The following MYT1L variants were observed in gnomAD, a reference collection of about 807,000 sequenced individuals.
MYT1L encodes myelin transcription factor 1 like.
In MYT1L, 12 loss-of-function variants were observed where a neutral mutation model predicts 126.7. The observed-to-expected ratio is 0.09, with a 90% CI of 0.06 to 0.15. MYT1L has a LOEUF of 0.15. Ranked by LOEUF, MYT1L falls within the 10% of genes least tolerant of loss-of-function variation. The pLI, the probability that MYT1L is intolerant of heterozygous loss-of-function variation, is 1.00. For missense variants in MYT1L, 979 were observed against 1,585.2 expected, an observed-to-expected ratio of 0.62 and a Z score of 6.49; for synonymous variants, 541 against 604.2, an observed-to-expected ratio of 0.90 and a Z score of 1.53.
Position 1,839,301 on chromosome 2 carries a change from G to A in MYT1L, c.2928C>T (p.Ser976=), listed in dbSNP as rs777718481. 1.4e-5 allele frequency: 22 copies of A among 1,613,554 alleles called. No homozygotes were observed. The highest frequency in any genetic ancestry group is 4.0e-5 in the African/African-American group (3 of 74,940). Residue 976 remains serine (S), a synonymous_variant, in exon 21 of 25, where the codon TCC becomes TCT. Transcript: ENST00000647738. ...TGKYASHRSA[S]GCPLAAKRQK... ...GCCTCTTGGCCGCCAAGGGGCACCC[G>A]GAGGCGCTGCGATGGGACGCGTACT...
At chr2:2,190,991 G>A (rs2092561439) in intron 2 of MYT1L, among the ~76,000 whole-genome samples, 1 of 152,192 alleles carries the variant, frequency 6.6e-6, no homozygotes, top group Admixed American at 6.5e-5. Context: ...CTCCATGTTG[G>A]TCAGGCAGGT....
At chr2:2,056,128 A>G (rs939852612) in intron 3 of MYT1L, among the ~76,000 whole-genome samples, 1 of 152,234 alleles carries the variant, frequency 6.6e-6, no homozygotes, top group Non-Finnish European at 1.5e-5. Context: ...TCTGTTCTCC[A>G]GGCGCACATT....
At chr2:2,158,963 T>G (rs1380464957) in intron 3 of MYT1L, among the ~76,000 whole-genome samples, 1 of 152,234 alleles carries the variant, frequency 6.6e-6, no homozygotes, top group Non-Finnish European at 1.5e-5. Context: ...TTGTGTACCT[T>G]GTCTCAGGAT....
intron 3 of MYT1L, among the ~76,000 whole-genome samples, chr2:2,101,028 TC>T (rs137872926): frequency 0.043 from 6,548 of 152,304 alleles, 215 homozygotes; most frequent in Non-Finnish European, 0.066. Context: ...TGTTTCTAGA[TC>T]AGATAATGGC....
rs140807200 is a variant in MYT1L, at chr2:2,143,921, T to C, written c.-304+28951A>G. Among the ~76,000 whole-genome samples the C allele has an allele frequency of 3.5e-3, 497 of 141,624 alleles. 3 individuals carry two copies. Among genetic ancestry groups the C allele is most frequent in the African/African-American group, 0.012 (456 of 38,170 alleles). The allele number at this position is 141,624 out of a possible 152,430, so 92.9% of individuals were successfully genotyped here. On this transcript the variant is annotated intron_variant, in intron 3 of 24. Transcript: ENST00000647738. ...GTGGGAATGAAACACCGGATACTCGTCGGCATAAAGATGGGAGCAATAGAC... is the reference window on the plus strand; with the variant it reads ...GTGGGAATGAAACACCGGATACTCGCCGGCATAAAGATGGGAGCAATAGAC...
intron 2 of MYT1L, among the ~76,000 whole-genome samples, chr2:2,236,408 ACATCCCAACCCAGCC>A (rs2094306209): frequency 6.9e-6 from 1 of 144,158 alleles, no homozygotes; most frequent in East Asian, 2.1e-4. Context: ...CTAACCCAGT[ACATCCCAACCCAGCC>A]CAGTACAACC....
At chr2:1,845,717 G>A (rs78344678) in intron 19 of MYT1L, among the ~76,000 whole-genome samples, 2,283 of 152,248 alleles carry the variant, frequency 0.015, 70 homozygotes, top group African/African-American at 0.052. Flanking sequence ...GTGAATACCC[G>A]TTTTCCAGCA....
At chr2:2,037,010 C>A (rs2066931142) in intron 4 of MYT1L, among the ~76,000 whole-genome samples, 1 of 152,208 alleles carries the variant, frequency 6.6e-6, no homozygotes, top group African/African-American at 2.4e-5. Context: ...ATACACCTGG[C>A]TCAGCAGTGT....
intron 3 of MYT1L, among the ~76,000 whole-genome samples, chr2:2,157,666 C>A (rs1484770592): frequency 1.3e-5 from 2 of 152,162 alleles, no homozygotes; most frequent in African/African-American, 4.8e-5. Flanking sequence ...CCTGGGCCTT[C>A]CACTGGAGCA....
chr2:1,956,498 T>C (rs2058435098), intron 8 of MYT1L, among the ~76,000 whole-genome samples: 1 of 143,084 alleles, frequency 7.0e-6, no homozygotes. Context: ...TCCTATTCTA[T>C]ATTTCCTATT....
chr2:2,153,763 ACT>A, intron 3 of MYT1L, among the ~76,000 whole-genome samples: 1 of 151,666 alleles, frequency 6.6e-6, no homozygotes, highest in Middle Eastern at 3.2e-3. Context: ...GGAAAGGAAG[ACT>A]CTCTGAGTGG....
Position 2,095,779 on chromosome 2 carries a change from G to A in MYT1L, c.-303-41656C>T, listed in dbSNP as rs1194456422. On this transcript the variant is annotated intron_variant, in intron 3 of 24. Transcript: ENST00000647738. The stretch of plus-strand genomic sequence containing the variant: ...ACTCCACGGCTCTCCTCATCGCCCC[G>A]GGCACCCCCTGACCGCTCACACTCA... 5.3e-5 allele frequency among the ~76,000 whole-genome samples: 8 copies of A among 152,230 alleles called. No homozygotes were observed. The East Asian group carries it at 9.7e-4, about 18-fold the overall frequency.
intron 8 of MYT1L, among the ~76,000 whole-genome samples, chr2:1,953,077 C>T (rs1394129497): frequency 6.6e-6 from 1 of 151,326 alleles, no homozygotes; most frequent in East Asian, 2.0e-4. Context: ...ATCCTCTCAC[C>T]TCAGCCTACA....
chr2:1,937,591 A>AC (rs201838114), intron 9 of MYT1L, among the ~76,000 whole-genome samples: 31 of 147,188 alleles, frequency 2.1e-4, no homozygotes, highest in African/African-American at 8.0e-4. Context: ...ATCAGATCGC[A>AC]AGTCGAGAAG....
rs1046027093 is a variant in MYT1L at position 2,329,866 on chromosome 2, C to T, written c.-521+1101G>A. On this transcript the variant is annotated intron_variant, in intron 1 of 24. Coordinates refer to ENST00000647738, the MANE Select transcript of MYT1L (RefSeq NM_001303052.2). The stretch of plus-strand genomic sequence containing the variant: ...TTTTAGGTCAATCAGAAAAAACAAA[C>T]TTCCTTTTTTTCTGGAATGTTTCTC... Among the ~76,000 whole-genome samples, 4 of 151,998 alleles carry T rather than the reference C, an allele frequency of 2.6e-5. No homozygotes were observed. The East Asian group carries it at 5.8e-4, about 22-fold the overall frequency.
chr2:2,317,489 C>T (rs1204647697), intron 1 of MYT1L, among the ~76,000 whole-genome samples: 1 of 151,986 alleles, frequency 6.6e-6, no homozygotes, highest in Non-Finnish European at 1.5e-5. Context: ...TCCGAATTCT[C>T]TAGAGAGCTA....
chr2:2,222,371 G>A (rs1407416235), intron 2 of MYT1L, among the ~76,000 whole-genome samples: 1 of 149,604 alleles, frequency 6.7e-6, no homozygotes, highest in Non-Finnish European at 1.5e-5. Context: ...GGGCACCCGT[G>A]ATCCCAGCTA....
At chr2:2,270,921 C>T (rs2095251118) in intron 2 of MYT1L, among the ~76,000 whole-genome samples, 1 of 151,858 alleles carries the variant, frequency 6.6e-6, no homozygotes, top group South Asian at 2.1e-4. Context: ...ATTTCTTTTC[C>T]CTTCCTGGTC....
intron 18 of MYT1L, among the ~76,000 whole-genome samples, chr2:1,867,231 C>T (rs2045694049): frequency 6.6e-6 from 1 of 151,982 alleles, no homozygotes; most frequent in South Asian, 2.1e-4. Context: ...TCAGGGAGAC[C>T]TTGGGCGAAG....
Sources: allele counts gnomAD v4.1 joint callset (sites outside exome capture counted in the v4.1 genomes callset), GRCh38; gene constraint gnomAD v4.1.1; transcripts MANE v1.5; gene names NCBI Gene and HGNC (gene_info 2026-07-23, HGNC 2026-07-21).